ANK1: variants seen among roughly 807,000 people sequenced by gnomAD.
The protein encoded by ANK1 is ankyrin-1.
ANK1 carries 51 observed loss-of-function variants against 210.4 expected under a neutral mutation model. The observed-to-expected ratio is 0.24, with a 90% confidence interval of 0.19 to 0.31. The LOEUF is 0.31. Ranked by LOEUF, ANK1 falls within the 10% of genes least tolerant of loss-of-function variation. The probability of loss-of-function intolerance (pLI) is 1.00; values close to 1 mark genes in which losing one functional copy is unlikely to be tolerated. For synonymous variants in ANK1, 967 were observed against 1,025.9 expected (o/e 0.94, Z 1.10); for missense variants, 2,051 against 2,504.4 (o/e 0.82, Z 3.86).
Position 41,725,878 on chromosome 8 carries a change from G to A in ANK1, c.495C>T (p.Asn165=). Residue 165 remains asparagine (N), a synonymous_variant, in exon 6 of 43, where the codon AAC becomes AAT. Transcript: ENST00000289734. ...GHENVVAHLI[N]YGTKGKVRLP... ...GGCGCACCTTCCCCTTGGTGCCGTA[G>A]TTGATGAGGTGCGCGACGACGTTCT... 6.2e-7 allele frequency: 1 copy of A among 1,613,516 alleles called. No individual in the cohort carries two copies. The highest frequency in any genetic ancestry group is 1.1e-5 in the South Asian group (1 of 90,988).
intron 1 of ANK1, among the ~76,000 whole-genome samples, chr8:41,769,977 C>CTTTTTTTTTT (rs59542968): frequency 3.9e-4 from 34 of 86,644 alleles, no homozygotes; most frequent in African/African-American, 6.4e-4. Flanking sequence ...TTTCTTTTTT[C>CTTTTTTTTTT]TTTTTTTTTT....
chr8:41,791,604 G>T (rs1398222236), intron 1 of ANK1, among the ~76,000 whole-genome samples: 1 of 152,076 alleles, frequency 6.6e-6, no homozygotes, highest in African/African-American at 2.4e-5. Flanking sequence ...GCTGATTTTT[G>T]TATTTTTAGG....
chr8:41,865,472 A>T (rs1010734389), intron 1 of ANK1, among the ~76,000 whole-genome samples: 3 of 151,812 alleles, frequency 2.0e-5, no homozygotes, highest in Admixed American at 2.0e-4. Flanking sequence ...CCTCACACCC[A>T]CTCTGTGCTC....
At chr8:41,710,134 T>C (rs55706810) in intron 16 of ANK1, among the ~76,000 whole-genome samples, 1 of 151,822 alleles carries the variant, frequency 6.6e-6, no homozygotes, top group Non-Finnish European at 1.5e-5. Context: ...AAGCAGCGCA[T>C]GGGTTTACAT....
At chr8:41,825,800 A>ACGCCTGTAATCCCAGCACTTTGGGAGGC (rs1805268689) in intron 1 of ANK1, among the ~76,000 whole-genome samples, 1 of 152,024 alleles carries the variant, frequency 6.6e-6, no homozygotes, top group African/African-American at 2.4e-5. Context: ...AATAAGTCTT[A>ACGCCTGTAATCCCAGCACTTTGGGAGGC]CGAGATCTGA....
intron 1 of ANK1, among the ~76,000 whole-genome samples, chr8:41,857,630 T>G (rs888850480): frequency 6.7e-6 from 1 of 149,898 alleles, no homozygotes; most frequent in South Asian, 2.1e-4. Flanking sequence ...CCCAGCTCCT[T>G]AGGAGGCTGA....
At chr8:41,680,542 G>T (rs978294822) in intron 37 of ANK1, among the ~76,000 whole-genome samples, 1 of 149,450 alleles carries the variant, frequency 6.7e-6, no homozygotes, top group African/African-American at 2.5e-5. Flanking sequence ...TCCAGCCAGG[G>T]CAACAAGGGT....
upstream of ANK1, among the ~76,000 whole-genome samples, chr8:41,799,404 T>C (rs980792837): frequency 6.6e-6 from 1 of 152,114 alleles, no homozygotes; most frequent in Non-Finnish European, 1.5e-5. Context: ...TGCTCAGTAA[T>C]GGCTTCTGGA....
At chr8:41,800,234 GT>G (rs1849649396), upstream of ANK1, among the ~76,000 whole-genome samples, 1 of 152,048 alleles carries the variant, frequency 6.6e-6, no homozygotes, top group Non-Finnish European at 1.5e-5. Flanking sequence ...TGCTTTCCTG[GT>G]ACCAGATACT....
At chr8:41,876,161 C>T (rs1462414721) in intron 1 of ANK1, among the ~76,000 whole-genome samples, 1 of 152,130 alleles carries the variant, frequency 6.6e-6, no homozygotes, top group Non-Finnish European at 1.5e-5. Flanking sequence ...CGCTGGGCTC[C>T]CGAGGCGGCG....
rs1563330460 is a variant in ANK1 at position 41,661,763 on chromosome 8, T to C, written c.5544+113A>G. On this transcript the variant is annotated intron_variant, in intron 41 of 42. Coordinates refer to ENST00000289734, the MANE Select transcript of ANK1 (RefSeq NM_000037.4). ...GCCCGGCAGAGCAAGGCAGCAGTGA[T>C]GGCGCTGGGTCCCCCAGGGCCGCGG... 1.9e-6 allele frequency: 3 copies of C among 1,611,238 alleles called. No individual in the cohort carries two copies. The Admixed American group carries it at 5.0e-5, about 27-fold the overall frequency.
chr8:41,696,986 G>A (rs1393363602), intron 24 of ANK1, among the ~76,000 whole-genome samples: 1 of 152,138 alleles, frequency 6.6e-6, no homozygotes, highest in African/African-American at 2.4e-5. Flanking sequence ...CCTCTCCTTG[G>A]CTCAAGACCC....
rs751364242 is a variant in ANK1, at chr8:41,699,436, C to T, written c.2558+16G>A. 59 of 1,613,418 alleles carry T rather than the reference C, an allele frequency of 3.7e-5. No homozygotes were observed. The highest frequency in any genetic ancestry group is 4.4e-5 in the Non-Finnish European group (52 of 1,179,712). On this transcript the variant is annotated intron_variant, in intron 23 of 42. Coordinates refer to ENST00000289734, the MANE Select transcript of ANK1 (RefSeq NM_000037.4). ...ATCTCGGCACCCCCGGGGACCCTCC[C>T]GGGAGCACTGCTCACACTTGGTCTA... is the stretch of plus-strand genomic sequence containing the variant.
intron 37 of ANK1, among the ~76,000 whole-genome samples, chr8:41,681,537 G>A (rs1278630095): frequency 2.6e-5 from 4 of 152,172 alleles, no homozygotes; most frequent in East Asian, 1.9e-4. Context: ...CACTTATGTC[G>A]TGCTCACAGA....
upstream of ANK1, among the ~76,000 whole-genome samples, chr8:41,800,324 G>T (rs528867124): frequency 1.1e-3 from 168 of 152,284 alleles, no homozygotes; most frequent in South Asian, 2.1e-3. Flanking sequence ...GTCAGATCCA[G>T]TCATTGTGAA....
intron 1 of ANK1, among the ~76,000 whole-genome samples, chr8:41,768,986 T>C (rs893703823): frequency 5.3e-5 from 8 of 151,598 alleles, no homozygotes; most frequent in African/African-American, 1.7e-4. Context: ...AAAATAAAAA[T>C]TAAAAAAGAA....
chr8:41,714,186 G>C lies in ANK1; in HGVS notation c.1770C>G (p.Pro590=). 1 of 1,467,700 alleles carries C rather than the reference G, an allele frequency of 6.8e-7. No individual in the cohort carries two copies. Among genetic ancestry groups the C allele is most frequent in the Non-Finnish European group, 9.1e-7 (1 of 1,094,000 alleles). 90.9% of individuals were successfully genotyped at this position (1,467,700 alleles called of 1,614,324 possible). Residue 590 remains proline (P), a synonymous_variant, in exon 16 of 43, where the codon CCC becomes CCG. Coordinates refer to ENST00000289734, the MANE Select transcript of ANK1 (RefSeq NM_000037.4). The part of the protein sequence containing the change: ...NNLDIVKLLL[P]RGGSPHSPAW... Reference sequence around the variant, plus strand: ...CAGGGCTGTGCGGGGAGCCGCCCCGGGGAAGCAGCAGCTTGACGATGTCCA... The same window carrying C: ...CAGGGCTGTGCGGGGAGCCGCCCCGCGGAAGCAGCAGCTTGACGATGTCCA...
At chr8:41,785,381 TAAA>T (rs1004337237) in intron 1 of ANK1, among the ~76,000 whole-genome samples, 1 of 152,056 alleles carries the variant, frequency 6.6e-6, no homozygotes, top group African/African-American at 2.4e-5. Context: ...AATTAGATAA[TAAA>T]AACACATGAA....
chr8:41,793,956 CA>C (rs1848250499), intron 1 of ANK1, among the ~76,000 whole-genome samples: 1 of 152,194 alleles, frequency 6.6e-6, no homozygotes, highest in South Asian at 2.1e-4. Context: ...ACTATGTCAA[CA>C]ACCAGCCCTA....
Sources: allele counts gnomAD v4.1 joint callset (sites outside exome capture counted in the v4.1 genomes callset), GRCh38; gene constraint gnomAD v4.1.1; transcripts MANE v1.5; gene names NCBI Gene and HGNC (gene_info 2026-07-23, HGNC 2026-07-21).